Variants in CERS6 observed in about 807,000 individuals in gnomAD.
The protein encoded by CERS6 is LAG1 homolog, ceramide synthase 6.
A neutral mutation model predicts 56.8 loss-of-function variants in CERS6; 26 were observed. The observed-to-expected ratio is 0.46, with a 90% CI of 0.34 to 0.63. CERS6 has a LOEUF of 0.63. CERS6 is among the 30% of genes least tolerant of loss of function. The pLI is 0.01. For synonymous variants in CERS6, 164 were observed against 173.3 expected, an observed-to-expected ratio of 0.95 and a Z score of 0.42; for missense variants, 415 against 467.5, an observed-to-expected ratio of 0.89 and a Z score of 1.04.
chr2:168,646,155 C>T (rs1685195154), intron 4 of CERS6, among the ~76,000 whole-genome samples: 1 of 152,208 alleles, frequency 6.6e-6, no homozygotes, highest in African/African-American at 2.4e-5. Context: ...GCACTCCCAT[C>T]AACAGTGTGT....
In CERS6 at chr2:168,736,129, A is replaced by G. The variant is rs567655630; in HGVS notation, c.845+18151A>G. On this transcript the variant is annotated intron_variant, in intron 8 of 9. Coordinates refer to ENST00000305747, the MANE Select transcript of CERS6 (RefSeq NM_203463.3). ...TACTCTTAGTAAACTTGATAAAATC[A>G]GCACTCTTCTCATACTTTTGTTACC... is the stretch of plus-strand genomic sequence containing the variant. 1.2e-4 allele frequency among the ~76,000 whole-genome samples: 18 copies of G among 152,334 alleles called. No homozygotes were observed. The East Asian group carries it at 1.9e-3, about 16-fold the overall frequency.
At chr2:168,627,902 G>C (rs1019270119) in intron 3 of CERS6, among the ~76,000 whole-genome samples, 2 of 151,836 alleles carry the variant, frequency 1.3e-5, no homozygotes, top group African/African-American at 4.8e-5. Flanking sequence ...CTATGTAAAT[G>C]ACTTAATTTT....
intron 4 of CERS6, among the ~76,000 whole-genome samples, chr2:168,638,652 A>C (rs1407994105): frequency 1.3e-5 from 2 of 152,312 alleles, no homozygotes; most frequent in East Asian, 3.9e-4. Flanking sequence ...CAGCACTGAG[A>C]TTATTGCTTA....
At chr2:168,603,465 A>G (rs1574093894) in intron 3 of CERS6, among the ~76,000 whole-genome samples, 1 of 152,224 alleles carries the variant, frequency 6.6e-6, no homozygotes, top group Non-Finnish European at 1.5e-5. Context: ...TTCTGAAACA[A>G]TTGAAAAATC....
At chr2:168,606,279 T>C (rs1003546803) in intron 3 of CERS6, 14 of 152,268 alleles carry the variant, frequency 9.2e-5, no homozygotes, top group African/African-American at 3.4e-4. Context: ...ATAGGGCCTG[T>C]ATCCCCTTTC....
chr2:168,495,945 C>T (rs1040154976), intron 1 of CERS6, among the ~76,000 whole-genome samples: 1 of 152,170 alleles, frequency 6.6e-6, no homozygotes, highest in Admixed American at 6.5e-5. Context: ...TCCCAACTAC[C>T]CAGGTGATCT....
intron 1 of CERS6, among the ~76,000 whole-genome samples, chr2:168,534,330 G>A (rs577569257): frequency 2.8e-4 from 43 of 151,364 alleles, no homozygotes; most frequent in South Asian, 1.5e-3. Context: ...TTTTTTCCTT[G>A]ATTCTTTTTC....
In CERS6 at chr2:168,765,724, T is replaced by C. The variant is rs1205785505; in HGVS notation, c.978T>C (p.Ala326=). Residue 326 remains alanine, a synonymous_variant, in exon 9 of 10, where the codon GCT becomes GCC. Coordinates refer to ENST00000305747, the MANE Select transcript of CERS6 (RefSeq NM_203463.3). ...CFWSYLIVKI[A]CKAVSRGKVS... ...GGTCTTACTTGATTGTGAAAATAGC[T>C]TGCAAAGCTGTTTCAAGAGGCAAGG... 2.5e-6 allele frequency: 4 copies of C among 1,613,418 alleles called. No individual in the cohort carries two copies. In the East Asian group the frequency reaches 8.9e-5, roughly 36 times the overall value.
intron 1 of CERS6, among the ~76,000 whole-genome samples, chr2:168,487,970 T>C (rs888540463): frequency 1.3e-5 from 2 of 152,166 alleles, no homozygotes; most frequent in Admixed American, 6.6e-5. Flanking sequence ...TCTTCCCACC[T>C]TGGCCTCCCA....
At chr2:168,619,961 GTTTA>G (rs1162703675) in intron 3 of CERS6, among the ~76,000 whole-genome samples, 2 of 141,336 alleles carry the variant, frequency 1.4e-5, no homozygotes, top group African/African-American at 5.2e-5. Flanking sequence ...AGTGGACACA[GTTTA>G]TTTATCCCCT....
chr2:168,715,294 A>C (rs536092529), intron 7 of CERS6, among the ~76,000 whole-genome samples, 165 bp downstream of exon 7: 6 of 152,270 alleles, frequency 3.9e-5, no homozygotes, highest in African/African-American at 1.4e-4. Flanking sequence ...TGAAAATGAG[A>C]TTCTAAATTA....
intron 1 of CERS6, among the ~76,000 whole-genome samples, chr2:168,540,033 AAAG>A (rs1184438649): frequency 6.6e-6 from 1 of 152,196 alleles, no homozygotes; most frequent in Non-Finnish European, 1.5e-5. Flanking sequence ...CTTTCAACCT[AAAG>A]AAGAACTTCC....
At chr2:168,543,748 T>C (rs1481545326) in intron 1 of CERS6, among the ~76,000 whole-genome samples, 1 of 152,118 alleles carries the variant, frequency 6.6e-6, no homozygotes. Flanking sequence ...AAATTAAGTG[T>C]TTGGCTCCCA....
At chr2:168,547,259 T>G (rs1695482393) in intron 1 of CERS6, among the ~76,000 whole-genome samples, 1 of 152,260 alleles carries the variant, frequency 6.6e-6, no homozygotes, top group Non-Finnish European at 1.5e-5. Flanking sequence ...AAGAAGAGTA[T>G]AAGTTATATT....
In CERS6 at chr2:168,760,501, A is replaced by G. The variant is rs569642877; in HGVS notation, c.846-5091A>G. On this transcript the variant is annotated intron_variant, in intron 8 of 9. Coordinates refer to ENST00000305747, the MANE Select transcript of CERS6 (RefSeq NM_203463.3). ...CAATACCCTCACAGACCCAGGATAA[A>G]TACTTTGCATCCTTCAATCCAATCA... Among the ~76,000 whole-genome samples, 41 of 152,256 alleles carry G rather than the reference A, an allele frequency of 2.7e-4. No individual in the cohort carries two copies. The South Asian group carries it at 8.1e-3, about 30-fold the overall frequency.
chr2:168,729,266 G>T (rs867645914), intron 8 of CERS6, among the ~76,000 whole-genome samples: 1 of 152,214 alleles, frequency 6.6e-6, no homozygotes, highest in African/African-American at 2.4e-5. Context: ...TTTGAAAATT[G>T]TGTATTTGAC....
At chr2:168,680,180 T>C (rs1243671502) in intron 4 of CERS6, among the ~76,000 whole-genome samples, 1 of 151,576 alleles carries the variant, frequency 6.6e-6, no homozygotes, top group Non-Finnish European at 1.5e-5. Flanking sequence ...GGCAAGGAGA[T>C]AGGAATGAAT....
intron 1 of CERS6, among the ~76,000 whole-genome samples, chr2:168,541,044 C>T (rs1336176039): frequency 1.3e-5 from 2 of 152,174 alleles, no homozygotes; most frequent in South Asian, 2.1e-4. Context: ...GCTGCTTCCA[C>T]TCATGATGGA....
intron 3 of CERS6, among the ~76,000 whole-genome samples, chr2:168,598,339 G>C (rs898078675): frequency 6.6e-6 from 1 of 152,034 alleles, no homozygotes; most frequent in African/African-American, 2.4e-5. Flanking sequence ...TTTTTGGGGG[G>C]AAGAGAAAAC....
Sources: gnomAD v4.1 joint callset for allele counts (sites outside exome capture counted in the v4.1 genomes callset) on GRCh38, gnomAD v4.1.1 for gene constraint, MANE v1.5 for transcripts, NCBI Gene and HGNC (gene_info 2026-07-23, HGNC 2026-07-21) for gene names.